The following NR2F1-AS1 variants were observed in gnomAD, a reference collection of about 807,000 sequenced individuals.
NR2F1-AS1 encodes NR2F1 antisense RNA 1.
upstream of NR2F1-AS1, among the ~76,000 whole-genome samples, chr5:93,583,050 C>G (rs1291199110): frequency 1.3e-5 from 2 of 152,142 alleles, no homozygotes; most frequent in Non-Finnish European, 2.9e-5. Context: ...TCTCTCCCCC[C>G]GATTCAGGGC....
chr5:93,485,475 AT>A (rs142383666), intron 4 of NR2F1-AS1, among the ~76,000 whole-genome samples: 5,224 of 152,284 alleles, frequency 0.034, 288 homozygotes, highest in African/African-American at 0.12. Context: ...TTAGAGGGAA[AT>A]TTATAGCACT....
rs571712444 is a variant in NR2F1-AS1, at chr5:93,509,413, G to A, written n.638+44348C>T. Among the ~76,000 whole-genome samples the A allele has an allele frequency of 1.1e-3, 170 of 152,152 alleles. 1 individual carries two copies. Among genetic ancestry groups the A allele is most frequent in the African/African-American group, 3.7e-3 (154 of 41,542 alleles). ...CTAGTACTCCAAAGAAACTGAATGT[G>A]TTTTCTTTTAATTAATTTAAATAGC... On this transcript the variant is annotated intron_variant and non_coding_transcript_variant, in intron 4 of 5. Transcript: ENST00000660523.
At chr5:93,550,432 T>C (rs1028434493) in intron 4 of NR2F1-AS1, among the ~76,000 whole-genome samples, 2 of 152,184 alleles carry the variant, frequency 1.3e-5, no homozygotes, top group African/African-American at 4.8e-5. Context: ...TCATTGCAAA[T>C]TGGGTATTTA....
chr5:93,435,580 T>G (rs1445187287), intron 4 of NR2F1-AS1, among the ~76,000 whole-genome samples: 1 of 152,202 alleles, frequency 6.6e-6, no homozygotes, highest in African/African-American at 2.4e-5. Flanking sequence ...CACCACACTG[T>G]TCCTGCAAAC....
intron 1 of NR2F1-AS1, among the ~76,000 whole-genome samples, chr5:93,580,207 T>C (rs191425315): frequency 1.8e-3 from 276 of 152,324 alleles, no homozygotes; most frequent in Non-Finnish European, 3.2e-3. Context: ...CTGTTTTGAA[T>C]GTGGATTGCT....
intron 4 of NR2F1-AS1, among the ~76,000 whole-genome samples, chr5:93,507,426 C>T (rs1486910999): frequency 2.6e-5 from 4 of 152,094 alleles, no homozygotes; most frequent in South Asian, 2.1e-4. Context: ...GGCACGATCT[C>T]GGCTCACTGC....
intron 4 of NR2F1-AS1, among the ~76,000 whole-genome samples, chr5:93,513,736 A>G (rs189527907): frequency 9.7e-4 from 148 of 152,230 alleles, no homozygotes; most frequent in African/African-American, 2.9e-3. Flanking sequence ...AGGATCAATC[A>G]CATCCCAAAC....
chr5:93,472,626 T>C (rs1750391838), intron 4 of NR2F1-AS1, among the ~76,000 whole-genome samples: 1 of 151,796 alleles, frequency 6.6e-6, no homozygotes, highest in African/African-American at 2.4e-5. Flanking sequence ...AATCTGTGGG[T>C]TGTTTTTGGG....
At chr5:93,441,325 A>G (rs1011530490) in intron 4 of NR2F1-AS1, among the ~76,000 whole-genome samples, 1 of 152,212 alleles carries the variant, frequency 6.6e-6, no homozygotes, top group African/African-American at 2.4e-5. Context: ...TGGAAAGAGA[A>G]GCTTAGAATG....
chr5:93,560,723 C>A (rs969283568), intron 2 of NR2F1-AS1, among the ~76,000 whole-genome samples: 1 of 152,136 alleles, frequency 6.6e-6, no homozygotes, highest in Non-Finnish European at 1.5e-5. Context: ...ATTTTGAATT[C>A]ACATACTTCT....
chr5:93,576,345 G>A (rs1314815162), intron 1 of NR2F1-AS1, among the ~76,000 whole-genome samples: 1 of 151,972 alleles, frequency 6.6e-6, no homozygotes, highest in Non-Finnish European at 1.5e-5. Context: ...CCTTTGAAAT[G>A]GGTAAATAAA....
At chr5:93,478,446 C>T (rs1187758650) in intron 4 of NR2F1-AS1, among the ~76,000 whole-genome samples, 1 of 152,144 alleles carries the variant, frequency 6.6e-6, no homozygotes, top group African/African-American at 2.4e-5. Flanking sequence ...CTCTGTCATC[C>T]AGGCTGGAGT....
At chr5:93,457,674 A>G (rs1749982127) in intron 4 of NR2F1-AS1, among the ~76,000 whole-genome samples, 1 of 151,444 alleles carries the variant, frequency 6.6e-6, no homozygotes, top group Admixed American at 6.6e-5. Context: ...ACCTGCACAC[A>G]CCGTTGATAC....
chr5:93,488,527 A>G (rs1363374011), intron 4 of NR2F1-AS1, among the ~76,000 whole-genome samples: 1 of 152,258 alleles, frequency 6.6e-6, no homozygotes, highest in Non-Finnish European at 1.5e-5. Context: ...AGAAATGCAA[A>G]TCAAAACTAC....
intron 4 of NR2F1-AS1, among the ~76,000 whole-genome samples, chr5:93,457,201 C>T (rs183327236): frequency 5.9e-5 from 9 of 152,262 alleles, no homozygotes; most frequent in East Asian, 3.9e-4. Flanking sequence ...TCCCTTCCCA[C>T]GAGGCCATAT....
At chr5:93,476,134 C>T (rs555661214) in intron 4 of NR2F1-AS1, among the ~76,000 whole-genome samples, 3 of 152,088 alleles carry the variant, frequency 2.0e-5, no homozygotes, top group African/African-American at 4.8e-5. Context: ...ACACACAAAA[C>T]GCTTGAATAG....
chr5:93,540,510 C>T (rs1476094480), intron 4 of NR2F1-AS1, among the ~76,000 whole-genome samples: 2 of 152,158 alleles, frequency 1.3e-5, no homozygotes, highest in Non-Finnish European at 2.9e-5. Flanking sequence ...TATCTGCTTG[C>T]CAGCATCCAT....
At chr5:93,552,762 A>G (rs1338164061) in intron 4 of NR2F1-AS1, among the ~76,000 whole-genome samples, 1 of 152,136 alleles carries the variant, frequency 6.6e-6, no homozygotes, top group Non-Finnish European at 1.5e-5. Flanking sequence ...AGTGAAAGCA[A>G]CTAGAATAAA....
chr5:93,576,680 A>C (rs189013795), intron 1 of NR2F1-AS1, among the ~76,000 whole-genome samples: 288 of 152,336 alleles, frequency 1.9e-3, no homozygotes, highest in African/African-American at 6.5e-3. Flanking sequence ...TTAAACACTG[A>C]AACATATTAG....
Sources: allele counts gnomAD v4.1 joint callset (sites outside exome capture counted in the v4.1 genomes callset), GRCh38; gene constraint gnomAD v4.1.1; transcripts MANE v1.5; gene names NCBI Gene and HGNC (gene_info 2026-07-23, HGNC 2026-07-21).